Variants in NCOA2 observed in about 807,000 individuals in gnomAD.
NCOA2 encodes class E basic helix-loop-helix protein 75.
A neutral mutation model predicts 145.1 loss-of-function variants in NCOA2; 21 were observed. The ratio of observed to expected loss-of-function variants is 0.14; its 90% confidence interval spans 0.10 to 0.21. The LOEUF is 0.21. Ranked by LOEUF, NCOA2 falls within the 10% of genes least tolerant of loss-of-function variation. The probability of loss-of-function intolerance (pLI) is 1.00; values close to 1 mark genes in which losing one functional copy is unlikely to be tolerated. For missense variants in NCOA2, 1,472 were observed against 1,837.6 expected, an observed-to-expected ratio of 0.80 and a Z score of 3.64; for synonymous variants, 619 against 637.5, an observed-to-expected ratio of 0.97 and a Z score of 0.44.
In NCOA2 at chr8:70,378,625, A is replaced by G. The variant is rs1328949469; in HGVS notation, c.-77+25075T>C. Among the ~76,000 whole-genome samples, 3 of 152,230 alleles carry G rather than the reference A, an allele frequency of 2.0e-5. No individual in the cohort carries two copies. In the South Asian group the frequency reaches 6.2e-4, roughly 32 times the overall value. Reference sequence around the variant, plus strand: ...CTTATGGTGTATTAATTCAAAAATGAGAAAACTGAAGCTCAATGTATTTGA... The same window carrying G: ...CTTATGGTGTATTAATTCAAAAATGGGAAAACTGAAGCTCAATGTATTTGA... On this transcript the variant is annotated intron_variant, in intron 1 of 22. Coordinates refer to ENST00000452400, the MANE Select transcript of NCOA2 (RefSeq NM_006540.4).
intron 1 of NCOA2, among the ~76,000 whole-genome samples, chr8:70,335,278 C>A (rs1807488663): frequency 6.6e-6 from 1 of 152,016 alleles, no homozygotes; most frequent in African/African-American, 2.4e-5. Flanking sequence ...CACAACAGGC[C>A]TTTTCTGAAT....
the NCOA2 span, among the ~76,000 whole-genome samples, chr8:70,427,342 T>C: frequency 2.0e-5 from 3 of 152,030 alleles, no homozygotes; most frequent in Non-Finnish European, 2.9e-5. Flanking sequence ...AAAGGAAGAG[T>C]AAGATATCAT....
chr8:70,179,856 AC>A (rs568200762), intron 4 of NCOA2, among the ~76,000 whole-genome samples: 249 of 152,294 alleles, frequency 1.6e-3, no homozygotes, highest in Non-Finnish European at 2.6e-3. Context: ...ATTTTCAGAG[AC>A]TACTAGAATA....
the NCOA2 span, among the ~76,000 whole-genome samples, chr8:70,430,846 G>A: frequency 1.3e-5 from 2 of 152,292 alleles, no homozygotes; most frequent in South Asian, 4.1e-4. Context: ...AAAGATTCAA[G>A]AATCCAGGAA....
chr8:70,342,858 T>G (rs1206746899), intron 1 of NCOA2, among the ~76,000 whole-genome samples: 1 of 151,608 alleles, frequency 6.6e-6, no homozygotes, highest in East Asian at 1.9e-4. Context: ...TGGAATTTTT[T>G]TTTTACCCAA....
chr8:70,163,479 C>T lies in NCOA2; in HGVS notation c.818G>A (p.Arg273His), dbSNP rs1433776969. 1 of 1,612,708 alleles carries T rather than the reference C, an allele frequency of 6.2e-7. No individual in the cohort carries two copies. ...VLPSSESFTT[R>H]QDLQGKITSL... ...AGGAAATTTACCTTGGAGATCCTGG[C>T]GAGTAGTAAAACTTTCTGATGAGGG... The change falls in exon 8 of 23, where the codon CGC becomes CAC. Residue 273 changes from arginine to histidine, a missense_variant. This residue lies in a region of NCOA2 where 284 missense variants were observed against 467.8 expected (regional missense o/e 0.61). Coordinates refer to ENST00000452400, the MANE Select transcript of NCOA2 (RefSeq NM_006540.4).
At chr8:70,148,138 G>A in intron 12 of NCOA2, 135 bp downstream of exon 12, 1 of 795,934 alleles carries the variant, frequency 1.3e-6, no homozygotes, top group Non-Finnish European at 2.1e-6. Flanking sequence ...CAAAAGACCA[G>A]GACAGTAGAT....
At chr8:70,269,402 G>C (rs1326682548) in intron 2 of NCOA2, among the ~76,000 whole-genome samples, 2 of 151,888 alleles carry the variant, frequency 1.3e-5, no homozygotes, top group Non-Finnish European at 2.9e-5. Flanking sequence ...TCAAATCTGG[G>C]ATAAGGACCA....
the NCOA2 span, among the ~76,000 whole-genome samples, chr8:70,426,465 G>A: frequency 6.6e-6 from 1 of 151,986 alleles, no homozygotes; most frequent in African/African-American, 2.4e-5. Flanking sequence ...CATAATTATG[G>A]GCACTGGAAT....
chr8:70,175,008 A>T (rs779312934), intron 4 of NCOA2, 149 bp from the exon 5 acceptor site: 100 of 674,794 alleles, frequency 1.5e-4, no homozygotes, highest in Non-Finnish European at 2.2e-4. Flanking sequence ...GTTGCCCCTA[A>T]ATGGGAGAAA....
intron 1 of NCOA2, among the ~76,000 whole-genome samples, chr8:70,402,783 G>A (rs1232543253): frequency 7.3e-6 from 1 of 136,580 alleles, no homozygotes; most frequent in Non-Finnish European, 1.6e-5. Flanking sequence ...TCCCGCCCCC[G>A]GCCCCGGCCC....
chr8:70,255,458 T>C (rs1456256210), intron 2 of NCOA2, among the ~76,000 whole-genome samples: 3 of 152,228 alleles, frequency 2.0e-5, no homozygotes, highest in Admixed American at 2.0e-4. Context: ...TAGGTAATTC[T>C]ATATAACCCA....
chr8:70,420,752 C>T, the NCOA2 span, among the ~76,000 whole-genome samples: 2 of 152,270 alleles, frequency 1.3e-5, no homozygotes, highest in African/African-American at 4.8e-5. Flanking sequence ...TCAAGTGATT[C>T]TCCTGCCTCA....
intron 18 of NCOA2, among the ~76,000 whole-genome samples, chr8:70,127,857 C>T (rs1260798251): frequency 6.6e-6 from 1 of 152,214 alleles, no homozygotes; most frequent in African/African-American, 2.4e-5. Context: ...ATACTGTAAA[C>T]TAGTGTCCTC....
intron 2 of NCOA2, among the ~76,000 whole-genome samples, chr8:70,217,350 C>T (rs773237374): frequency 1.4e-4 from 21 of 152,186 alleles, no homozygotes; most frequent in Non-Finnish European, 2.2e-4. Flanking sequence ...CCTGGCCCCT[C>T]GGGAAGCTCC....
At chr8:70,381,713 G>C (rs1389657865) in intron 1 of NCOA2, among the ~76,000 whole-genome samples, 1 of 152,128 alleles carries the variant, frequency 6.6e-6, no homozygotes, top group Non-Finnish European at 1.5e-5. Context: ...TGCAGCAGAG[G>C]GAACAAAGCT....
chr8:70,238,592 A>C (rs1181177537), intron 2 of NCOA2, among the ~76,000 whole-genome samples: 1 of 152,200 alleles, frequency 6.6e-6, no homozygotes, highest in African/African-American at 2.4e-5. Flanking sequence ...AATTGCCAAC[A>C]ACACAAGGAA....
chr8:70,421,847 C>T, the NCOA2 span, among the ~76,000 whole-genome samples: 1 of 151,966 alleles, frequency 6.6e-6, no homozygotes, highest in African/African-American at 2.4e-5. Context: ...GTAATCCCAG[C>T]ACTTTGGGAG....
At chr8:70,455,652 A>T in the NCOA2 span, among the ~76,000 whole-genome samples, 7 of 151,612 alleles carry the variant, frequency 4.6e-5, no homozygotes, top group Non-Finnish European at 7.4e-5. Flanking sequence ...GAAAAAAAAA[A>T]TCACCCAACG....
Sources: gnomAD v4.1 joint callset for allele counts (sites outside exome capture counted in the v4.1 genomes callset) on GRCh38, gnomAD v4.1.1 for gene constraint, gnomAD v4.1.1 regional missense constraint, MANE v1.5 for transcripts, NCBI Gene and HGNC (gene_info 2026-07-23, HGNC 2026-07-21) for gene names.